Variants in MYOM1 observed in about 807,000 individuals in gnomAD.
MYOM1 encodes the protein myomesin-1.
MYOM1 carries 164 observed loss-of-function variants against 205.3 expected under a neutral mutation model. The ratio of observed to expected loss-of-function variants is 0.80; its 90% CI spans 0.70 to 0.91. The LOEUF (loss-of-function observed/expected upper bound fraction) is 0.91, where lower values mean the gene tolerates loss of function less well. Among genes scored for constraint, MYOM1 ranks in the 40% least tolerant of loss-of-function variants. The probability of loss-of-function intolerance (pLI) is 0.00; values close to 1 mark genes in which losing one functional copy is unlikely to be tolerated. For synonymous variants in MYOM1, 772 were observed against 789.4 expected (o/e 0.98, Z 0.37); for missense variants, 2,011 against 2,127.3 (o/e 0.95, Z 1.08).
At chr18:3,102,331 T>A in intron 23 of MYOM1, 143 bp downstream of exon 23, 1 of 902,696 alleles carries the variant, frequency 1.1e-6, no homozygotes, top group South Asian at 2.3e-5. Context: ...AGGTTTAAGT[T>A]GGTTATTATT....
the MYOM1 span, among the ~76,000 whole-genome samples, chr18:3,242,977 C>G: frequency 6.6e-6 from 1 of 151,678 alleles, no homozygotes; most frequent in African/African-American, 2.4e-5. Context: ...CTTATTTTTT[C>G]AAATTTTCTA....
intron 16 of MYOM1, among the ~76,000 whole-genome samples, chr18:3,133,739 A>G (rs2143900448): frequency 6.6e-6 from 1 of 152,332 alleles, no homozygotes; most frequent in African/African-American, 2.4e-5. Context: ...GAACTCTTAC[A>G]ATAGTTGGCA....
chr18:3,087,082 A>G (rs1044383319), intron 29 of MYOM1, among the ~76,000 whole-genome samples: 1 of 152,158 alleles, frequency 6.6e-6, no homozygotes, highest in African/African-American at 2.4e-5. Flanking sequence ...GACCCTGGAA[A>G]CTGGTTCCTG....
intron 22 of MYOM1, among the ~76,000 whole-genome samples, chr18:3,108,013 T>C (rs2079473817): frequency 6.6e-6 from 1 of 152,204 alleles, no homozygotes. Context: ...GAACCTAAGA[T>C]TGTTTTCTTT....
chr18:3,195,826 A>C (rs1458459830), intron 2 of MYOM1, among the ~76,000 whole-genome samples: 1 of 152,020 alleles, frequency 6.6e-6, no homozygotes, highest in Non-Finnish European at 1.5e-5. Context: ...TTCCATTCTC[A>C]CAAGTAAATC....
In MYOM1 at chr18:3,109,737, A is replaced by G. The variant is rs79190346; in HGVS notation, c.3418+2561T>C. Among the ~76,000 whole-genome samples the G allele has an allele frequency of 1.1e-4, 17 of 152,306 alleles. No homozygotes were observed. The East Asian group carries it at 2.9e-3, about 26-fold the overall frequency. The stretch of plus-strand genomic sequence containing the variant: ...AAGCGAATCCTTAATACAGACACAG[A>G]GATAACTGATTTTAACAGATCTCAT... On this transcript the variant is annotated intron_variant, in intron 22 of 37. Coordinates refer to ENST00000356443, the MANE Select transcript of MYOM1 (RefSeq NM_003803.4).
upstream of MYOM1, among the ~76,000 whole-genome samples, chr18:3,220,536 C>T (rs1267471110): frequency 6.6e-6 from 1 of 152,182 alleles, no homozygotes; most frequent in Non-Finnish European, 1.5e-5. Flanking sequence ...TTTTGAGACG[C>T]AACTCAGTGT....
chr18:3,212,795 C>T (rs1022846161), intron 2 of MYOM1, among the ~76,000 whole-genome samples: 1 of 152,098 alleles, frequency 6.6e-6, no homozygotes, highest in Non-Finnish European at 1.5e-5. Flanking sequence ...CAAATTGAGG[C>T]TGTCATATAC....
At chr18:3,168,682 A>T (rs889554406) in intron 9 of MYOM1, 135 bp downstream of exon 9, 46 of 777,222 alleles carry the variant, frequency 5.9e-5, no homozygotes, top group Middle Eastern at 3.3e-4. Flanking sequence ...TTTGCTACAC[A>T]TGTGAAAACC....
intron 3 of MYOM1, among the ~76,000 whole-genome samples, chr18:3,193,566 G>A (rs1360446667): frequency 6.6e-6 from 1 of 152,018 alleles, no homozygotes; most frequent in Admixed American, 6.6e-5. Flanking sequence ...TTTCTGAAGA[G>A]GAAGTCCCTT....
At chr18:3,141,746 C>G (rs1395710483) in intron 14 of MYOM1, among the ~76,000 whole-genome samples, 193 bp downstream of exon 14, 1 of 152,118 alleles carries the variant, frequency 6.6e-6, no homozygotes, top group African/African-American at 2.4e-5. Context: ...CCATAAACCC[C>G]TTGATTTTCA....
intron 10 of MYOM1, 142 bp from the exon 11 acceptor site, chr18:3,155,230 T>A (rs1567938662): frequency 3.1e-6 from 2 of 654,098 alleles, no homozygotes; most frequent in Non-Finnish European, 4.4e-6. Context: ...AATCTTGCTA[T>A]TTTTTTTTTG....
At chr18:3,158,157 C>T (rs182718792) in intron 10 of MYOM1, among the ~76,000 whole-genome samples, 48 of 152,198 alleles carry the variant, frequency 3.2e-4, no homozygotes, top group African/African-American at 1.1e-3. Context: ...CTAAATCTTT[C>T]TAGACTTTTA....
the MYOM1 span, among the ~76,000 whole-genome samples, chr18:3,241,177 A>C: frequency 7.2e-5 from 11 of 152,238 alleles, no homozygotes; most frequent in Non-Finnish European, 1.6e-4. Flanking sequence ...TTGAATAAGT[A>C]ACGAGGAGGT....
intron 19 of MYOM1, among the ~76,000 whole-genome samples, chr18:3,126,264 C>CA (rs575517054): frequency 0.047 from 2,997 of 64,430 alleles, 128 homozygotes; most frequent in African/African-American, 0.14. Context: ...GACTTCATCT[C>CA]AAAAAAAAAA....
rs2080234961 is a variant in MYOM1 at position 3,152,407 on chromosome 18, T to C, written c.1644-514A>G. On this transcript the variant is annotated intron_variant, in intron 11 of 37. Coordinates refer to ENST00000356443, the MANE Select transcript of MYOM1 (RefSeq NM_003803.4). The surrounding 1 kb of genome is among the most constrained non-coding windows in gnomAD (Gnocchi z 4.3). ...CACTTCATGGTCATTCCATCCTGTGTAGAGGGTAAGAAGGTTATTGTGAAG... is the reference window on the plus strand; with the variant it reads ...CACTTCATGGTCATTCCATCCTGTGCAGAGGGTAAGAAGGTTATTGTGAAG... Among the ~76,000 whole-genome samples the C allele has an allele frequency of 6.6e-6, 1 of 152,176 alleles. No homozygotes were observed. Among genetic ancestry groups the C allele is most frequent in the Non-Finnish European group, 1.5e-5 (1 of 68,038 alleles).
intron 36 of MYOM1, among the ~76,000 whole-genome samples, chr18:3,073,283 T>C (rs1448461860): frequency 1.3e-5 from 2 of 152,186 alleles, no homozygotes; most frequent in Non-Finnish European, 2.9e-5. Context: ...CCAAGCTATA[T>C]GCCCTGGGCA....
intron 34 of MYOM1, 36 bp from the exon 35 acceptor site, chr18:3,075,797 C>A (rs1238888152): frequency 6.5e-7 from 1 of 1,539,116 alleles, no homozygotes; most frequent in Non-Finnish European, 8.8e-7. Flanking sequence ...AATTTTCTCA[C>A]CCAGAATTGA....
At chr18:3,075,628 TA>T in intron 35 of MYOM1, 96 bp downstream of exon 35, 2 of 1,455,324 alleles carry the variant, frequency 1.4e-6, no homozygotes, top group Non-Finnish European at 1.9e-6. Flanking sequence ...CTTTCTGAAA[TA>T]AAAGGCTCTT....
Sources: allele counts gnomAD v4.1 joint callset (sites outside exome capture counted in the v4.1 genomes callset), GRCh38; gene constraint gnomAD v4.1.1; non-coding constraint Gnocchi (gnomAD v3.1); transcripts MANE v1.5; gene names NCBI Gene and HGNC (gene_info 2026-07-23, HGNC 2026-07-21).